TTC28: variants seen among roughly 807,000 people sequenced by gnomAD.
TTC28 encodes the protein tetratricopeptide repeat domain 28, also known as tetratricopeptide repeat protein 28.
In TTC28, 61 loss-of-function variants were observed where a neutral mutation model predicts 198.0. That is an observed-to-expected ratio of 0.31 (90% CI 0.25 to 0.38). The LOEUF is 0.38. TTC28 is among the 10% of genes least tolerant of loss of function. TTC28 has a pLI of 1.00. For missense variants in TTC28, 2,678 were observed against 3,164.0 expected (o/e 0.85, Z 3.69); for synonymous variants, 1,171 against 1,297.8 (o/e 0.90, Z 2.10).
chr22:28,472,669 A>G (rs2048113139), intron 2 of TTC28, among the ~76,000 whole-genome samples: 1 of 151,912 alleles, frequency 6.6e-6, no homozygotes, highest in Non-Finnish European at 1.5e-5. Context: ...AGACCAGTTC[A>G]GGCAAGTTAT....
intron 3 of TTC28, among the ~76,000 whole-genome samples, chr22:28,301,363 CAA>C: frequency 6.6e-6 from 1 of 152,286 alleles, no homozygotes; most frequent in East Asian, 1.9e-4. Context: ...TAGGCAATGT[CAA>C]ACCAACTCCA....
intron 6 of TTC28, among the ~76,000 whole-genome samples, chr22:28,161,104 CAAAG>C (rs912002450): frequency 2.6e-5 from 4 of 151,990 alleles, no homozygotes; most frequent in South Asian, 2.1e-4. Context: ...CTTCATGAGT[CAAAG>C]AGAAATCACA....
intron 5 of TTC28, among the ~76,000 whole-genome samples, chr22:28,173,111 T>C (rs1264183244): frequency 1.3e-5 from 2 of 152,224 alleles, no homozygotes; most frequent in Admixed American, 6.5e-5. Context: ...TCAATCATTA[T>C]GACCAAACAC....
intron 1 of TTC28, among the ~76,000 whole-genome samples, chr22:28,636,326 C>T (rs931877093): frequency 6.6e-6 from 1 of 151,714 alleles, no homozygotes; most frequent in Non-Finnish European, 1.5e-5. Flanking sequence ...GGGGTTTCAC[C>T]GTGTTAGCCA....
At chr22:28,144,448 G>A (rs1266341024) in intron 6 of TTC28, among the ~76,000 whole-genome samples, 1 of 152,156 alleles carries the variant, frequency 6.6e-6, no homozygotes, top group African/African-American at 2.4e-5. Context: ...CAGAAATCTG[G>A]GTTTACCATT....
At chr22:28,285,080 A>C (rs976963085) in intron 5 of TTC28, among the ~76,000 whole-genome samples, 12 of 152,352 alleles carry the variant, frequency 7.9e-5, no homozygotes, top group African/African-American at 2.9e-4. Context: ...CAAGATATGG[A>C]AACAACCTAA....
intron 2 of TTC28, among the ~76,000 whole-genome samples, chr22:28,332,453 A>G (rs998972827): frequency 6.6e-6 from 1 of 152,080 alleles, no homozygotes; most frequent in African/African-American, 2.4e-5. Context: ...ACAGATGACT[A>G]TATTTAATGT....
chr22:28,516,435 C>T (rs1446213544), intron 2 of TTC28, among the ~76,000 whole-genome samples: 2 of 152,104 alleles, frequency 1.3e-5, no homozygotes, highest in African/African-American at 4.8e-5. Context: ...TAAGAATACT[C>T]ATCATTGAGT....
intron 2 of TTC28, among the ~76,000 whole-genome samples, chr22:28,359,249 A>G (rs1425883864): frequency 6.6e-5 from 10 of 152,162 alleles, no homozygotes; most frequent in Non-Finnish European, 1.3e-4. Flanking sequence ...CTCTTCCATT[A>G]CCCCTAGTGG....
intron 5 of TTC28, among the ~76,000 whole-genome samples, chr22:28,184,675 A>G (rs528130162): frequency 6.6e-6 from 1 of 152,228 alleles, no homozygotes; most frequent in East Asian, 1.9e-4. Context: ...TATAGGTTAT[A>G]CTGATAGATA....
chr22:28,169,833 A>C (rs1357184168), intron 5 of TTC28, among the ~76,000 whole-genome samples: 1 of 151,762 alleles, frequency 6.6e-6, no homozygotes, highest in Non-Finnish European at 1.5e-5. Flanking sequence ...TAATAAAATA[A>C]AATAAAATAA....
intron 2 of TTC28, among the ~76,000 whole-genome samples, chr22:28,562,897 C>T (rs568480829): frequency 1.3e-4 from 20 of 152,198 alleles, no homozygotes; most frequent in Admixed American, 1.0e-3. Flanking sequence ...CTGAGGCAGA[C>T]GGATCACTTG....
intron 12 of TTC28, among the ~76,000 whole-genome samples, chr22:28,072,063 T>G (rs1398217643): frequency 6.6e-6 from 1 of 152,220 alleles, no homozygotes; most frequent in East Asian, 1.9e-4. Context: ...TAAGTCTACC[T>G]CTTTGATCGT....
In TTC28 at chr22:28,296,134, A is replaced by G. The variant is rs534915748; in HGVS notation, c.933+64T>C. ...ACCTGAAACAGTTTGTTTTTAACAG[A>G]AAATAGAGCTCCACATTTCCAAAAG... On this transcript the variant is annotated intron_variant, in intron 5 of 22. Coordinates refer to ENST00000397906, the MANE Select transcript of TTC28 (RefSeq NM_001145418.2). The G allele has an allele frequency of 4.2e-4, 615 of 1,475,060 alleles. 3 individuals are homozygous for G. The highest frequency in any genetic ancestry group is 4.5e-4 in the Non-Finnish European group (502 of 1,104,166). 91.4% of individuals were successfully genotyped at this position (1,475,060 alleles called of 1,614,324 possible). A position where few individuals can be genotyped will look rare whatever the true frequency, so the allele number is the denominator to read the frequency against.
intron 2 of TTC28, among the ~76,000 whole-genome samples, chr22:28,542,231 A>C (rs550125627): frequency 6.6e-6 from 1 of 152,198 alleles, no homozygotes; most frequent in Non-Finnish European, 1.5e-5. Flanking sequence ...GCAGAAGATC[A>C]CTAAATCTGA....
At chr22:28,201,205 A>G (rs894059381) in intron 5 of TTC28, among the ~76,000 whole-genome samples, 1 of 152,164 alleles carries the variant, frequency 6.6e-6, no homozygotes, top group African/African-American at 2.4e-5. Flanking sequence ...TCATTCATTC[A>G]TTCACTCAAC....
chr22:28,603,342 T>C (rs2050672226), intron 2 of TTC28, among the ~76,000 whole-genome samples: 1 of 152,124 alleles, frequency 6.6e-6, no homozygotes, highest in South Asian at 2.1e-4. Context: ...AACATAAACA[T>C]TCTAGAAAGT....
chr22:28,038,417 G>A (rs1181118949), intron 12 of TTC28, among the ~76,000 whole-genome samples: 2 of 152,314 alleles, frequency 1.3e-5, no homozygotes, highest in East Asian at 3.9e-4. Context: ...AAGCAATGGG[G>A]AAAGGATTCC....
At chr22:28,471,198 C>G (rs1163737304) in intron 2 of TTC28, among the ~76,000 whole-genome samples, 1 of 152,120 alleles carries the variant, frequency 6.6e-6, no homozygotes, top group Non-Finnish European at 1.5e-5. Context: ...TGCAGAACAA[C>G]TCTTTTCCAA....
Sources: gnomAD v4.1 joint callset for allele counts (sites outside exome capture counted in the v4.1 genomes callset) on GRCh38, gnomAD v4.1.1 for gene constraint, MANE v1.5 for transcripts, NCBI Gene and HGNC (gene_info 2026-07-23, HGNC 2026-07-21) for gene names.